The following PDE11A variants were observed in gnomAD, a reference collection of about 807,000 sequenced individuals.
PDE11A encodes the protein dual 3',5'-cyclic-AMP and -GMP phosphodiesterase 11A.
In PDE11A, 100 loss-of-function variants were observed where a neutral mutation model predicts 100.5. The observed-to-expected ratio is 1.00, with a 90% confidence interval of 0.85 to 1.18. PDE11A has a LOEUF of 1.18. Among genes scored for constraint, PDE11A ranks in the 50% most tolerant of loss-of-function variants. The pLI is 0.00. For missense variants in PDE11A, 1,141 were observed against 1,152.6 expected (o/e 0.99, Z 0.15); for synonymous variants, 381 against 420.8 (o/e 0.91, Z 1.16).
At chr2:177,792,409 G>A (rs1263733058) in intron 9 of PDE11A, among the ~76,000 whole-genome samples, 1 of 152,116 alleles carries the variant, frequency 6.6e-6, no homozygotes, top group Non-Finnish European at 1.5e-5. Context: ...ATACTTCTGA[G>A]TAGCATGTTA....
chr2:178,047,828 T>TTATA (rs2086771431), intron 1 of PDE11A, among the ~76,000 whole-genome samples: 1 of 152,126 alleles, frequency 6.6e-6, no homozygotes, highest in South Asian at 2.1e-4. Context: ...CCCCCCCATG[T>TTATA]TATATATGGA....
chr2:177,629,997 A>T (rs779357273), intron 19 of PDE11A, among the ~76,000 whole-genome samples: 12 of 152,284 alleles, frequency 7.9e-5, no homozygotes, highest in Non-Finnish European at 1.5e-4. Context: ...ACCATAGATG[A>T]CTCTGGGTGG....
chr2:177,678,939 T>TA (rs918872938), intron 16 of PDE11A, among the ~76,000 whole-genome samples: 9 of 147,784 alleles, frequency 6.1e-5, no homozygotes, highest in Non-Finnish European at 1.3e-4. Context: ...GAGAAGAGAA[T>TA]AAAAAATACA....
At chr2:177,677,578 A>G (rs1373522058) in intron 16 of PDE11A, among the ~76,000 whole-genome samples, 1 of 152,114 alleles carries the variant, frequency 6.6e-6, no homozygotes, top group East Asian at 1.9e-4. Context: ...AGGAAACTTT[A>G]GGTGGTGGAT....
chr2:177,746,561 C>T (rs551133349), intron 10 of PDE11A, among the ~76,000 whole-genome samples: 13 of 152,250 alleles, frequency 8.5e-5, no homozygotes, highest in South Asian at 8.3e-4. Context: ...AGCTGCCAAA[C>T]GGAAACAATG....
chr2:178,096,164 C>CTTTTTTTTTTTTT (rs1257178630), intron 2 of PDE11A, among the ~76,000 whole-genome samples: 69 of 110,244 alleles, frequency 6.3e-4, no homozygotes, highest in Non-Finnish European at 7.5e-4. Flanking sequence ...TTTTTCTTTT[C>CTTTTTTTTTTTTT]TTTTCTTTTT....
intron 9 of PDE11A, among the ~76,000 whole-genome samples, chr2:177,773,838 T>C (rs1481683564): frequency 1.3e-5 from 2 of 152,204 alleles, no homozygotes; most frequent in African/African-American, 4.8e-5. Flanking sequence ...GCCCTATTGC[T>C]AAACCACAGT....
At chr2:177,854,105 T>C (rs1374661052) in intron 5 of PDE11A, among the ~76,000 whole-genome samples, 36 of 151,854 alleles carry the variant, frequency 2.4e-4, no homozygotes, top group Admixed American at 2.4e-3. Context: ...GCCATAATTC[T>C]GTTTACTGCA....
At chr2:177,771,076 G>T (rs550871771) in intron 9 of PDE11A, among the ~76,000 whole-genome samples, 21 of 152,182 alleles carry the variant, frequency 1.4e-4, no homozygotes, top group African/African-American at 5.1e-4. Context: ...CGATCCTCCC[G>T]CCTCAGCCTC....
At chr2:178,021,020 G>A (rs1446584131) in intron 1 of PDE11A, among the ~76,000 whole-genome samples, 2 of 147,614 alleles carry the variant, frequency 1.4e-5, no homozygotes, top group Non-Finnish European at 3.0e-5. Flanking sequence ...GGAGTGCAAT[G>A]GTGCAATCTC....
At chr2:177,709,495 G>A (rs1025568753) in intron 13 of PDE11A, among the ~76,000 whole-genome samples, 2 of 152,148 alleles carry the variant, frequency 1.3e-5, no homozygotes, top group Non-Finnish European at 2.9e-5. Flanking sequence ...CTGAGGTTGA[G>A]GGGACTGTAG....
intron 2 of PDE11A, among the ~76,000 whole-genome samples, chr2:177,969,928 A>G (rs114401090): frequency 2.1e-3 from 325 of 152,342 alleles, no homozygotes; most frequent in African/African-American, 7.6e-3. Context: ...TTTCATATTT[A>G]TGCTCAGGAG....
intron 2 of PDE11A, among the ~76,000 whole-genome samples, chr2:177,970,465 T>G (rs766184298): frequency 1.9e-4 from 29 of 151,998 alleles, no homozygotes; most frequent in Non-Finnish European, 3.8e-4. Flanking sequence ...TAAAGGATGA[T>G]GCCAATGCCT....
At chr2:177,866,369 G>A (rs890162118) in intron 5 of PDE11A, among the ~76,000 whole-genome samples, 60 of 152,190 alleles carry the variant, frequency 3.9e-4, no homozygotes, top group African/African-American at 1.3e-3. Flanking sequence ...CATTGGCCAG[G>A]CAGTGATTTT....
chr2:178,050,097 C>T (rs576301223), intron 1 of PDE11A, among the ~76,000 whole-genome samples: 70 of 152,254 alleles, frequency 4.6e-4, no homozygotes, highest in South Asian at 1.5e-3. Context: ...GGAGGCGCCT[C>T]CCAGTAGGGG....
At chr2:177,828,380 A>T (rs1169549685) in intron 6 of PDE11A, among the ~76,000 whole-genome samples, 1 of 152,218 alleles carries the variant, frequency 6.6e-6, no homozygotes, top group Non-Finnish European at 1.5e-5. Flanking sequence ...TATTTACTAA[A>T]CATGGTTCTA....
At chr2:177,918,328 A>G (rs2695115) in intron 2 of PDE11A, among the ~76,000 whole-genome samples, 111,958 of 152,136 alleles carry the variant, frequency 0.74, 41,534 homozygotes, top group East Asian at 0.79. Context: ...TATTCAGTCT[A>G]TCTGCAACAG....
chr2:177,902,201 G>C (rs2084707660), intron 3 of PDE11A, among the ~76,000 whole-genome samples: 1 of 152,190 alleles, frequency 6.6e-6, no homozygotes, highest in South Asian at 2.1e-4. Flanking sequence ...ATTGTGATTT[G>C]TTCCTGCCCC....
chr2:177,969,256 C>T lies in PDE11A; in HGVS notation c.1071+45046G>A, dbSNP rs923369717. ...ACACAGGGAGGGGAACATCACACACCGGTCCTGTCGGGGTTGGGAGGCAAG... is the reference window on the plus strand; with the variant it reads ...ACACAGGGAGGGGAACATCACACACTGGTCCTGTCGGGGTTGGGAGGCAAG... On this transcript the variant is annotated intron_variant, in intron 2 of 19. Coordinates refer to ENST00000286063, the MANE Select transcript of PDE11A (RefSeq NM_016953.4). Among the ~76,000 whole-genome samples the T allele has an allele frequency of 4.6e-5, 7 of 151,846 alleles. No individual in the cohort carries two copies. In the South Asian group the frequency reaches 6.2e-4, roughly 14 times the overall value.
Sources: allele counts gnomAD v4.1 joint callset (sites outside exome capture counted in the v4.1 genomes callset), GRCh38; gene constraint gnomAD v4.1.1; transcripts MANE v1.5; gene names NCBI Gene and HGNC (gene_info 2026-07-23, HGNC 2026-07-21).